The following ROS1 variants were observed in gnomAD, a reference collection of about 807,000 sequenced individuals.
The protein encoded by ROS1 is ROS proto-oncogene 1, receptor tyrosine kinase.
Under a neutral mutation model 273.5 loss-of-function variants are expected in ROS1, and 263 were observed. The ratio of observed to expected loss-of-function variants is 0.96; its 90% CI spans 0.87 to 1.06. The LOEUF is 1.06. Ranked by LOEUF, ROS1 falls within the 50% of genes least tolerant of loss-of-function variation. The probability of loss-of-function intolerance (pLI) is 0.00; values close to 1 mark genes in which losing one functional copy is unlikely to be tolerated. For synonymous variants in ROS1, 1,008 were observed against 954.1 expected (o/e 1.06, Z -1.04); for missense variants, 2,833 against 2,751.1 (o/e 1.03, Z -0.67).
At position 117,391,729 on chromosome 6, in the gene ROS1, C is replaced by A. The variant is rs563096576; in HGVS notation, c.1289+1495G>T. 5.3e-5 allele frequency among the ~76,000 whole-genome samples: 8 copies of A among 152,246 alleles called. No individual in the cohort carries two copies. The South Asian group carries it at 1.2e-3, about 24-fold the overall frequency. ...GGCCCTGGAGCTAGAAGTCCTGGAG[C>A]AAGATTTCTTGTTCCAGGGCCTGTC... is the stretch of plus-strand genomic sequence containing the variant. On this transcript the variant is annotated intron_variant, in intron 12 of 43. Transcript: ENST00000368507.
intron 6 of ROS1, among the ~76,000 whole-genome samples, chr6:117,403,923 T>C (rs1470176589): frequency 2.0e-5 from 3 of 152,188 alleles, no homozygotes; most frequent in East Asian, 3.8e-4. Flanking sequence ...TTTACGCTTA[T>C]AAGTAATAAT....
In ROS1 at chr6:117,409,639, C is replaced by G. The variant is rs758893022; in HGVS notation, c.259G>C (p.Glu87Gln). ...NDTYATVCERESCEVGCSSAE... is the reference protein window; with the variant it reads ...NDTYATVCERQSCEVGCSSAE... ...CTGCTACAGCCAACCTCACACGACT[C>G]CCGCTGTGGAAGACAGGGAGCATGA... The change falls in exon 5 of 44, where the codon GAG becomes CAG. Residue 87 changes from glutamate (E) to glutamine (Q), a missense_variant. Transcript: ENST00000368507. 5 of 1,613,746 alleles carry G rather than the reference C, an allele frequency of 3.1e-6. No individual in the cohort carries two copies. Among genetic ancestry groups the G allele is most frequent in the Non-Finnish European group, 3.4e-6 (4 of 1,179,724 alleles).
At chr6:117,344,641 T>C (rs1778224220) in intron 27 of ROS1, among the ~76,000 whole-genome samples, 1 of 152,182 alleles carries the variant, frequency 6.6e-6, no homozygotes, top group South Asian at 2.1e-4. Context: ...TGCTTATCAC[T>C]GTGGCGCACC....
At chr6:117,367,511 G>C (rs1360107803) in intron 18 of ROS1, among the ~76,000 whole-genome samples, 1 of 152,136 alleles carries the variant, frequency 6.6e-6, no homozygotes, top group African/African-American at 2.4e-5. Flanking sequence ...TGTTCTTAAA[G>C]CAACCACCTC....
chr6:117,321,936 T>G (rs1221026359), intron 35 of ROS1, among the ~76,000 whole-genome samples: 1 of 151,658 alleles, frequency 6.6e-6, no homozygotes, highest in African/African-American at 2.4e-5. Flanking sequence ...TTACCAAATG[T>G]TAGCAGTGGT....
At chr6:117,330,770 A>G (rs1324642563) in intron 32 of ROS1, among the ~76,000 whole-genome samples, 1 of 152,152 alleles carries the variant, frequency 6.6e-6, no homozygotes, top group Non-Finnish European at 1.5e-5. Flanking sequence ...AAATAAGCAG[A>G]AAGTGACAAC....
chr6:117,349,574 C>T (rs966362850), intron 27 of ROS1, among the ~76,000 whole-genome samples: 4 of 151,980 alleles, frequency 2.6e-5, no homozygotes, highest in Non-Finnish European at 4.4e-5. Flanking sequence ...AAAGTGACTA[C>T]TAATATAGTT....
At chr6:117,330,147 G>A (rs375633130) in intron 32 of ROS1, among the ~76,000 whole-genome samples, 65 of 152,340 alleles carry the variant, frequency 4.3e-4, no homozygotes, top group East Asian at 3.5e-3. Context: ...AGCCAGCGAG[G>A]CTGGACAGCT....
rs546018658 is a variant in ROS1, at chr6:117,337,298, G to A, written c.5104C>T (p.Gln1702Ter). The A allele has an allele frequency of 9.9e-6, 16 of 1,611,730 alleles. 1 individual carries two copies. In the South Asian group the frequency reaches 1.5e-4, roughly 16 times the overall value. Residue 1702 changes from glutamine to a stop codon, truncating the protein, a stop_gained, in exon 32 of 44, where the codon CAA (glutamine) becomes TAA (stop). Coordinates refer to ENST00000368507, the MANE Select transcript of ROS1 (RefSeq NM_001378902.1). LOFTEE classifies it high-confidence loss of function. ...ATATTACAGACATAAGCAGGACCTT[G>A]GCTGCATGAAGTTTTAACATGGTAA... ...EFYHVKTSCS[Q>*]GPAYVCNITN... is the part of the protein sequence containing the mutation.
intron 42 of ROS1, among the ~76,000 whole-genome samples, chr6:117,305,358 C>T (rs953496895): frequency 6.6e-6 from 1 of 152,180 alleles, no homozygotes; most frequent in Non-Finnish European, 1.5e-5. Context: ...ACCATCCTTA[C>T]AGCTGCCACT....
intron 33 of ROS1, chr6:117,328,555 G>C (rs1776813482): frequency 2.4e-6 from 1 of 415,544 alleles, no homozygotes; most frequent in East Asian, 4.0e-5. Flanking sequence ...GGGAATGCCA[G>C]AGCCAGATGA....
chr6:117,416,589 G>A (rs1775352238), intron 2 of ROS1, among the ~76,000 whole-genome samples: 1 of 152,142 alleles, frequency 6.6e-6, no homozygotes. Context: ...AGAAGCCAGA[G>A]AACAGCCAAC....
intron 42 of ROS1, among the ~76,000 whole-genome samples, chr6:117,306,898 G>T (rs1181603884): frequency 3.9e-5 from 6 of 152,200 alleles, no homozygotes; most frequent in African/African-American, 1.4e-4. Flanking sequence ...TTAGAGTCCT[G>T]CAGCACTTGG....
At chr6:117,305,364 C>T (rs557611927) in intron 42 of ROS1, among the ~76,000 whole-genome samples, 1 of 152,258 alleles carries the variant, frequency 6.6e-6, no homozygotes, top group African/African-American at 2.4e-5. Context: ...CTTACAGCTG[C>T]CACTTAGCCA....
At chr6:117,403,018 C>A in intron 7 of ROS1, 121 bp downstream of exon 7, 1 of 1,070,766 alleles carries the variant, frequency 9.3e-7, no homozygotes, top group East Asian at 2.4e-5. Context: ...GTTATGTACC[C>A]AGTTGTTGAA....
At chr6:117,401,803 T>TTA (rs538575859) in intron 7 of ROS1, among the ~76,000 whole-genome samples, 13 of 89,158 alleles carry the variant, frequency 1.5e-4, no homozygotes, top group African/African-American at 5.8e-4. Context: ...AACTTTTCAG[T>TTA]AAAAAAAAAA....
Position 117,321,368 on chromosome 6 carries a change from T to C in ROS1, c.5650A>G (p.Lys1884Glu), listed in dbSNP as rs144529412. 205 of 1,612,958 alleles carry C rather than the reference T, an allele frequency of 1.3e-4. No homozygotes were observed. The African/African-American group carries it at 2.4e-3, about 19-fold the overall frequency. Residue 1884 changes from lysine to glutamate, a missense_variant, in exon 36 of 44, where the codon AAA becomes GAA. By Grantham distance (56) the Lys-to-Glu change is moderately conservative. Coordinates refer to ENST00000368507, the MANE Select transcript of ROS1 (RefSeq NM_001378902.1). ...ACTGTCACCCCTTCCTTGGCACTTT[T>C]TTGATTCTTTAATCTTCTATGCCAG... The part of the protein sequence containing the change: ...FVWHRRLKNQ[K>E]SAKEGVTVLI...
At chr6:117,299,069 G>A (rs1330711182) in intron 43 of ROS1, among the ~76,000 whole-genome samples, 1 of 152,108 alleles carries the variant, frequency 6.6e-6, no homozygotes, top group Non-Finnish European at 1.5e-5. Context: ...TTCTGCCATT[G>A]GCATTCTAAG....
intron 18 of ROS1, among the ~76,000 whole-genome samples, chr6:117,374,346 C>G (rs370284119): frequency 6.6e-6 from 1 of 151,988 alleles, no homozygotes; most frequent in Non-Finnish European, 1.5e-5. Flanking sequence ...AACTGATCTT[C>G]GACAAAGCAA....
Sources: allele counts gnomAD v4.1 joint callset (sites outside exome capture counted in the v4.1 genomes callset), GRCh38; gene constraint gnomAD v4.1.1; transcripts MANE v1.5; gene names NCBI Gene and HGNC (gene_info 2026-07-23, HGNC 2026-07-21).